CFDP1: variants seen among roughly 807,000 people sequenced by gnomAD.
CFDP1 encodes heterochromatin-stabilizing protein CFDP1.
CFDP1 carries 31 observed loss-of-function variants against 40.1 expected under a neutral mutation model. That is an observed-to-expected ratio of 0.77 (90% CI 0.58 to 1.04). The LOEUF (loss-of-function observed/expected upper bound fraction) is 1.04, where lower values mean the gene tolerates loss of function less well. CFDP1 is among the 50% of genes least tolerant of loss of function. The pLI is 0.00. For missense variants in CFDP1, 423 were observed against 343.4 expected (o/e 1.23, Z -1.83); for synonymous variants, 167 against 120.0 (o/e 1.39, Z -2.56).
intron 5 of CFDP1, among the ~76,000 whole-genome samples, chr16:75,377,623 A>T (rs4993969): frequency 0.52 from 79,671 of 152,122 alleles, 21,819 homozygotes; most frequent in Admixed American, 0.64. Context: ...GTTCAAGTAC[A>T]ATCTAGTCAA....
In CFDP1 at chr16:75,341,415, G is replaced by C. The variant is rs116651742; in HGVS notation, c.651-36233C>G. Among the ~76,000 whole-genome samples, 711 of 152,266 alleles carry C rather than the reference G, an allele frequency of 4.7e-3. 5 individuals carry two copies. The highest frequency in any genetic ancestry group is 0.017 in the African/African-American group (688 of 41,556). On this transcript the variant is annotated intron_variant, in intron 5 of 6. Coordinates refer to ENST00000283882, the MANE Select transcript of CFDP1 (RefSeq NM_006324.3). ...ATAATGTTCAGAAAGGTTTTCTTTTGTTTGTTCCTAGCATCTACCTTGGAG... is the reference window on the plus strand; with the variant it reads ...ATAATGTTCAGAAAGGTTTTCTTTTCTTTGTTCCTAGCATCTACCTTGGAG...
intron 1 of CFDP1, among the ~76,000 whole-genome samples, chr16:75,431,651 A>G (rs759340470): frequency 3.3e-5 from 5 of 151,952 alleles, no homozygotes; most frequent in Non-Finnish European, 5.9e-5. Flanking sequence ...AAGAAAAAAA[A>G]ACACTGAATA....
At chr16:75,342,655 C>G (rs2078535031) in intron 5 of CFDP1, among the ~76,000 whole-genome samples, 2 of 152,202 alleles carry the variant, frequency 1.3e-5, no homozygotes, top group Non-Finnish European at 2.9e-5. Flanking sequence ...CATCCTTTCT[C>G]TAGGCTCTTA....
At chr16:75,328,780 G>C (rs985456275) in intron 5 of CFDP1, among the ~76,000 whole-genome samples, 1 of 149,716 alleles carries the variant, frequency 6.7e-6, no homozygotes, top group African/African-American at 2.5e-5. Context: ...CTGGGTTCAA[G>C]CAATTCTCCT....
intron 5 of CFDP1, among the ~76,000 whole-genome samples, chr16:75,389,357 T>C (rs1029565631): frequency 2.0e-5 from 3 of 152,254 alleles, no homozygotes; most frequent in Admixed American, 1.3e-4. Flanking sequence ...GTAATTTTTG[T>C]AGTTTGATTC....
chr16:75,417,233 T>C (rs1204430201), intron 1 of CFDP1, among the ~76,000 whole-genome samples: 1 of 152,200 alleles, frequency 6.6e-6, no homozygotes, highest in African/African-American at 2.4e-5. Flanking sequence ...TTTACCTTTT[T>C]ATCCAGCAGT....
At chr16:75,368,767 G>A (rs2078733272) in intron 5 of CFDP1, among the ~76,000 whole-genome samples, 1 of 151,680 alleles carries the variant, frequency 6.6e-6, no homozygotes, top group Admixed American at 6.6e-5. Context: ...TCAGCATTCT[G>A]AGTACTACAG....
chr16:75,342,202 C>T (rs1459215045), intron 5 of CFDP1, among the ~76,000 whole-genome samples: 2 of 152,152 alleles, frequency 1.3e-5, no homozygotes, highest in South Asian at 2.1e-4. Context: ...TCGAAGTTTA[C>T]TTTTTACTTT....
At chr16:75,425,845 G>A (rs2079335789) in intron 1 of CFDP1, among the ~76,000 whole-genome samples, 2 of 151,142 alleles carry the variant, frequency 1.3e-5, no homozygotes, top group South Asian at 4.2e-4. Context: ...AGACCAGCCT[G>A]GCCAACATGG....
chr16:75,412,071 A>G (rs1597394811), intron 3 of CFDP1, 119 bp from the exon 4 acceptor site: 1 of 1,078,082 alleles, frequency 9.3e-7, no homozygotes, highest in Non-Finnish European at 1.3e-6. Context: ...GCTGGAGTGC[A>G]GTAACACAAT....
intron 6 of CFDP1, among the ~76,000 whole-genome samples, chr16:75,298,625 G>A (rs1350476843): frequency 6.6e-6 from 1 of 152,180 alleles, no homozygotes; most frequent in African/African-American, 2.4e-5. Context: ...AAAGCTCTGG[G>A]AATGATGTAC....
At chr16:75,380,708 C>T (rs781247281) in intron 5 of CFDP1, among the ~76,000 whole-genome samples, 58 of 152,130 alleles carry the variant, frequency 3.8e-4, no homozygotes, top group Admixed American at 5.9e-4. Context: ...CAAAATTATA[C>T]TTTCAATTAT....
At chr16:75,317,517 G>C (rs1262977808) in intron 5 of CFDP1, among the ~76,000 whole-genome samples, 2 of 152,218 alleles carry the variant, frequency 1.3e-5, no homozygotes, top group Non-Finnish European at 2.9e-5. Flanking sequence ...CTGGGGAGGA[G>C]ATGCTTTGCC....
chr16:75,421,547 A>C (rs963579661), intron 1 of CFDP1, among the ~76,000 whole-genome samples: 6 of 152,230 alleles, frequency 3.9e-5, no homozygotes, highest in Non-Finnish European at 7.3e-5. Context: ...CAGAGCTTCC[A>C]ATAACCTTTC....
At chr16:75,387,264 C>T (rs528566572) in intron 5 of CFDP1, among the ~76,000 whole-genome samples, 6 of 152,050 alleles carry the variant, frequency 3.9e-5, no homozygotes, top group African/African-American at 7.2e-5. Flanking sequence ...CCTCAGCCTC[C>T]GCAGTACCTG....
At chr16:75,331,588 C>T (rs12932952) in intron 5 of CFDP1, among the ~76,000 whole-genome samples, 123,968 of 152,186 alleles carry the variant, frequency 0.81, 50,736 homozygotes, top group Middle Eastern at 0.9. Context: ...TTTATAATCA[C>T]AGATAAGTTC....
intron 6 of CFDP1, among the ~76,000 whole-genome samples, chr16:75,296,063 G>T (rs1002617799): frequency 4.6e-5 from 7 of 152,168 alleles, no homozygotes; most frequent in Non-Finnish European, 7.3e-5. Flanking sequence ...TCCCCTGGAA[G>T]TGCTAGCAGA....
At chr16:75,328,996 G>A (rs1011679283) in intron 5 of CFDP1, among the ~76,000 whole-genome samples, 12 of 152,066 alleles carry the variant, frequency 7.9e-5, no homozygotes, top group African/African-American at 2.4e-4. Context: ...ACAGGCATGC[G>A]CCACCATGCC....
chr16:75,326,347 C>T (rs1311518650), intron 5 of CFDP1, among the ~76,000 whole-genome samples: 2 of 152,222 alleles, frequency 1.3e-5, no homozygotes, highest in African/African-American at 2.4e-5. Flanking sequence ...AAAACCAACA[C>T]TGAATGGACA....
Sources: gnomAD v4.1 joint callset for allele counts (sites outside exome capture counted in the v4.1 genomes callset) on GRCh38, gnomAD v4.1.1 for gene constraint, MANE v1.5 for transcripts, NCBI Gene and HGNC (gene_info 2026-07-23, HGNC 2026-07-21) for gene names.